The following NUF2 variants were observed in gnomAD, a reference collection of about 807,000 sequenced individuals.
The protein encoded by NUF2 is NUF2 component of NDC80 kinetochore complex, also known as kinetochore protein Nuf2.
Under a neutral mutation model 61.8 loss-of-function variants are expected in NUF2, and 34 were observed. The ratio of observed to expected loss-of-function variants is 0.55; its 90% confidence interval spans 0.42 to 0.73. NUF2 has a LOEUF of 0.73. Among genes scored for constraint, NUF2 ranks in the 30% least tolerant of loss-of-function variants. The probability of loss-of-function intolerance (pLI) is 0.00; values close to 1 mark genes in which losing one functional copy is unlikely to be tolerated. For synonymous variants in NUF2, 172 were observed against 181.6 expected (o/e 0.95, Z 0.42); for missense variants, 445 against 539.1 (o/e 0.83, Z 1.73).
At chr1:163,351,649 T>C (rs993566889) in intron 13 of NUF2, among the ~76,000 whole-genome samples, 1 of 152,238 alleles carries the variant, frequency 6.6e-6, no homozygotes, top group African/African-American at 2.4e-5. Flanking sequence ...TTCTTCAACT[T>C]GCTAAGTTGT....
chr1:163,325,160 G>T (rs143705892), intron 1 of NUF2, among the ~76,000 whole-genome samples: 376 of 152,288 alleles, frequency 2.5e-3, no homozygotes, highest in African/African-American at 8.8e-3. Flanking sequence ...GCCTCCCAAA[G>T]TGCTGAGATT....
intron 4 of NUF2, 57 bp downstream of exon 4, chr1:163,328,361 GTTTT>G: frequency 5.5e-6 from 6 of 1,098,740 alleles, no homozygotes; most frequent in Non-Finnish European, 8.1e-6. Flanking sequence ...ATTACATTAA[GTTTT>G]CTTAATGACA....
intron 13 of NUF2, among the ~76,000 whole-genome samples, chr1:163,354,268 C>A (rs1010732033): frequency 5.9e-5 from 9 of 152,092 alleles, no homozygotes; most frequent in Admixed American, 1.3e-4. Context: ...AATCTAAACA[C>A]ACTCTTCTAT....
intron 13 of NUF2, among the ~76,000 whole-genome samples, chr1:163,352,881 A>G (rs6698657): frequency 0.42 from 62,922 of 151,436 alleles, 13,467 homozygotes; most frequent in South Asian, 0.59. Flanking sequence ...AAAAAAAAAT[A>G]TTCTATCTAA....
intron 8 of NUF2, among the ~76,000 whole-genome samples, chr1:163,339,768 T>C (rs1650880308): frequency 6.6e-6 from 1 of 152,146 alleles, no homozygotes; most frequent in Non-Finnish European, 1.5e-5. Flanking sequence ...CCCTGGATAC[T>C]GCAGTAAACC....
At chr1:163,340,717 A>T (rs1650915684) in intron 9 of NUF2, among the ~76,000 whole-genome samples, 1 of 152,162 alleles carries the variant, frequency 6.6e-6, no homozygotes, top group African/African-American at 2.4e-5. Flanking sequence ...TACATAAATG[A>T]TATTAGGCTC....
At position 163,335,566 on chromosome 1, in the gene NUF2, T is replaced by G. The variant is rs34154537; in HGVS notation, c.338-1185T>G. Reference sequence around the variant, plus strand: ...GTGACTTTTAGGTGTTTGTTTTTGGTTTTTTTTTGTTTGTTTTTCTGTTCT... The same window carrying G: ...GTGACTTTTAGGTGTTTGTTTTTGGGTTTTTTTTGTTTGTTTTTCTGTTCT... On this transcript the variant is annotated intron_variant, in intron 5 of 13. Coordinates refer to ENST00000271452, the MANE Select transcript of NUF2 (RefSeq NM_145697.3). 8.4e-3 allele frequency among the ~76,000 whole-genome samples: 1,268 copies of G among 150,808 alleles called. 5 individuals carry two copies. The highest frequency in any genetic ancestry group is 0.021 in the Middle Eastern group (6 of 292).
chr1:163,341,221 T>G (rs1650934454), intron 9 of NUF2, among the ~76,000 whole-genome samples: 1 of 152,078 alleles, frequency 6.6e-6, no homozygotes, highest in East Asian at 1.9e-4. Flanking sequence ...TATTTTTTAG[T>G]TTTTTTGAGA....
intron 13 of NUF2, among the ~76,000 whole-genome samples, chr1:163,349,381 T>C (rs1651236366): frequency 6.6e-6 from 1 of 152,178 alleles, no homozygotes; most frequent in African/African-American, 2.4e-5. Context: ...TAACAAGTAG[T>C]ATATTCCTAA....
In NUF2 at chr1:163,343,855, G is replaced by A. The variant is rs750024257; in HGVS notation, c.792G>A (p.Lys264=). 3.5e-6 allele frequency: 5 copies of A among 1,410,422 alleles called. No individual in the cohort carries two copies. In the South Asian group the frequency reaches 8.8e-5, roughly 25 times the overall value. 87.4% of individuals were successfully genotyped at this position (1,410,422 alleles called of 1,614,324 possible). The change falls in exon 10 of 14, where the codon AAG becomes AAA. Residue 264 remains lysine (K), a synonymous_variant. Transcript: ENST00000271452. ...YKEKMKDTVQ[K]LKNARQEVVE... ...AAAAAATGAAAGATACGGTCCAGAAGCTTAAAAATGCCAGAGTGAGTTTTC... is the reference window on the plus strand; with the variant it reads ...AAAAAATGAAAGATACGGTCCAGAAACTTAAAAATGCCAGAGTGAGTTTTC...
intron 13 of NUF2, among the ~76,000 whole-genome samples, chr1:163,351,884 CT>C (rs1403784464): frequency 2.0e-5 from 3 of 152,104 alleles, no homozygotes; most frequent in African/African-American, 4.8e-5. Context: ...ATTAAATGTT[CT>C]TTCCCATAGA....
chr1:163,346,300 GTC>G (rs1203246759), intron 11 of NUF2: 1 of 152,012 alleles, frequency 6.6e-6, no homozygotes, highest in Non-Finnish European at 1.5e-5. Flanking sequence ...TGTGAATGTG[GTC>G]TCTCTCTCAA....
At chr1:163,323,996 C>T (rs1028415356) in intron 1 of NUF2, among the ~76,000 whole-genome samples, 1 of 151,930 alleles carries the variant, frequency 6.6e-6, no homozygotes, top group Non-Finnish European at 1.5e-5. Flanking sequence ...TTATACTGTG[C>T]CCTAGACCAA....
chr1:163,354,036 A>G (rs918296087), intron 13 of NUF2, among the ~76,000 whole-genome samples: 4 of 152,294 alleles, frequency 2.6e-5, no homozygotes, highest in South Asian at 2.1e-4. Context: ...TCTTTTTTGG[A>G]ATGAATAAAC....
chr1:163,341,244 C>T (rs1383884320), intron 9 of NUF2, among the ~76,000 whole-genome samples: 1 of 152,114 alleles, frequency 6.6e-6, no homozygotes, highest in East Asian at 1.9e-4. Flanking sequence ...GAGTCTCACT[C>T]TGTCACCCAG....
At chr1:163,334,564 C>T (rs186470110) in intron 5 of NUF2, among the ~76,000 whole-genome samples, 59 of 152,184 alleles carry the variant, frequency 3.9e-4, no homozygotes, top group African/African-American at 1.4e-3. Context: ...TTGCTTGAGT[C>T]CAGGAGTTTG....
chr1:163,339,288 C>A, intron 7 of NUF2, 93 bp from the exon 8 acceptor site: 1 of 724,534 alleles, frequency 1.4e-6, no homozygotes, highest in East Asian at 2.6e-5. Context: ...TAAAAGTAGA[C>A]AATTTCTTCA....
At chr1:163,340,302 C>A in intron 8 of NUF2, 62 bp from the exon 9 acceptor site, 1 of 1,177,108 alleles carries the variant, frequency 8.5e-7, no homozygotes, top group Non-Finnish European at 1.3e-6. Flanking sequence ...TATGAGACAG[C>A]AGTGAGTGGC....
Position 163,355,405 on chromosome 1 carries a change from C to T in NUF2, c.1331C>T (p.Ser444Phe), listed in dbSNP as rs1191766075. ...HDGIEKAAED[S>F]YAKIDEKTAE... ...GGTATTGAAAAGGCAGCAGAGGACT[C>T]CTATGCTAAGATAGATGAGAAGACA... Residue 444 changes from serine (S) to phenylalanine (F), a missense_variant, in exon 14 of 14, where the codon TCC (serine) becomes TTC (phenylalanine). By Grantham distance (155) the Ser-to-Phe change is radical. Coordinates refer to ENST00000271452, the MANE Select transcript of NUF2 (RefSeq NM_145697.3). 6.2e-7 allele frequency: 1 copy of T among 1,609,544 alleles called. No individual in the cohort carries two copies.
Sources: allele counts gnomAD v4.1 joint callset (sites outside exome capture counted in the v4.1 genomes callset), GRCh38; gene constraint gnomAD v4.1.1; transcripts MANE v1.5; gene names NCBI Gene and HGNC (gene_info 2026-07-23, HGNC 2026-07-21).